The following HDX variants were observed in gnomAD, a reference collection of about 807,000 sequenced individuals.
HDX encodes chromosome X open reading frame 43.
HDX carries 19 observed loss-of-function variants against 45.2 expected under a neutral mutation model. The ratio of observed to expected loss-of-function variants is 0.42; its 90% CI spans 0.29 to 0.62. HDX has a LOEUF of 0.62. Ranked by LOEUF, HDX falls within the 20% of genes least tolerant of loss-of-function variation. The probability of loss-of-function intolerance (pLI) is 0.20; values close to 1 mark genes in which losing one functional copy is unlikely to be tolerated. For synonymous variants in HDX, 188 were observed against 172.8 expected (o/e 1.09, Z -0.69); for missense variants, 532 against 493.9 (o/e 1.08, Z -0.73).
intron 5 of HDX, among the ~76,000 whole-genome samples, chrX:84,366,760 A>C (rs903493120): frequency 4.5e-5 from 5 of 111,763 alleles, no homozygotes; most frequent in African/African-American, 1.6e-4. Flanking sequence ...GCAACACCCT[A>C]TTTAATAAAT....
intron 6 of HDX, among the ~76,000 whole-genome samples, chrX:84,360,883 A>T (rs918262075): frequency 8.9e-6 from 1 of 111,916 alleles, no homozygotes; most frequent in African/African-American, 3.2e-5. Context: ...ATCAGTGTGC[A>T]ACTTTTTGAG....
intron 4 of HDX, among the ~76,000 whole-genome samples, chrX:84,465,488 C>G (rs776424477): frequency 8.9e-6 from 1 of 112,358 alleles, no homozygotes; most frequent in South Asian, 3.7e-4. Flanking sequence ...TACTATGCAG[C>G]CATCAAAAAG....
chrX:84,495,762 G>C (rs1271090391), intron 1 of HDX, among the ~76,000 whole-genome samples: 1 of 111,347 alleles, frequency 9.0e-6, no homozygotes, highest in Non-Finnish European at 1.9e-5. Flanking sequence ...TTTTGTTTTT[G>C]GGGGTAGCCT....
At chrX:84,467,061 T>G (rs1197359687) in intron 4 of HDX, among the ~76,000 whole-genome samples, 1 of 111,175 alleles carries the variant, frequency 9.0e-6, no homozygotes, top group East Asian at 2.8e-4. Context: ...AATGGTATGA[T>G]TCAATGTTAC....
intron 1 of HDX, among the ~76,000 whole-genome samples, chrX:84,497,730 CGTGTGT>C (rs751001968): frequency 1.2e-4 from 13 of 104,783 alleles, no homozygotes; most frequent in Non-Finnish European, 2.4e-4. Context: ...TTTACATATA[CGTGTGT>C]GTGTGTGTGT....
In HDX at chrX:84,413,089, A is replaced by G. The variant is rs1183123561; in HGVS notation, c.1305+27443T>C. ...CTTAAATTCCTCAGATTGGGTTTCA[A>G]TTTTCTCCTGAATCTTGATGATCTT... On this transcript the variant is annotated intron_variant, in intron 5 of 10. Coordinates refer to ENST00000373177, the MANE Select transcript of HDX (RefSeq NM_001177479.2). Among the ~76,000 whole-genome samples, 7 of 111,207 alleles carry G rather than the reference A, an allele frequency of 6.3e-5. No individual in the cohort carries two copies. In the South Asian group the frequency reaches 1.5e-3, roughly 24 times the overall value.
rs1163129120 is a variant in HDX at position 84,416,387 on chromosome X, G to A, written c.1305+24145C>T. On this transcript the variant is annotated intron_variant, in intron 5 of 10. Transcript: ENST00000373177. ...TCCTGGTAAGATTTTATTTGGATGT[G>A]AGGTGAAAAAATTTTCAGAGATGGT... is the stretch of plus-strand genomic sequence containing the variant. 3.6e-5 allele frequency among the ~76,000 whole-genome samples: 4 copies of A among 111,833 alleles called. No individual in the cohort carries two copies. In the Admixed American group the frequency reaches 3.8e-4, roughly 11 times the overall value.
intron 4 of HDX, among the ~76,000 whole-genome samples, chrX:84,446,090 T>C (rs1351505382): frequency 3.6e-5 from 4 of 111,510 alleles, no homozygotes; most frequent in South Asian, 7.4e-4. Flanking sequence ...ATATTCCCTG[T>C]TAAAAATAAT....
chrX:84,480,115 G>A (rs771163066), intron 2 of HDX, among the ~76,000 whole-genome samples: 1 of 110,941 alleles, frequency 9.0e-6, no homozygotes, highest in Non-Finnish European at 1.9e-5. Flanking sequence ...GTTTTAGGGG[G>A]GTTATTATTG....
intron 1 of HDX, among the ~76,000 whole-genome samples, chrX:84,493,116 A>G (rs762990944): frequency 1.8e-5 from 2 of 111,069 alleles, no homozygotes; most frequent in Admixed American, 9.6e-5. Context: ...TCACCTCTCT[A>G]TTTACTTTAT....
intron 5 of HDX, among the ~76,000 whole-genome samples, chrX:84,368,934 A>G (rs981127408): frequency 9.0e-6 from 1 of 110,909 alleles, no homozygotes; most frequent in African/African-American, 3.3e-5. Context: ...TCCTGCTCCT[A>G]TGATAATTGA....
At chrX:84,327,950 A>G (rs2036750773) in intron 9 of HDX, among the ~76,000 whole-genome samples, 1 of 110,150 alleles carries the variant, frequency 9.1e-6, no homozygotes, top group Non-Finnish European at 1.9e-5. Context: ...CAGTAGCTAG[A>G]CTACAGGTAT....
chrX:84,447,385 T>C (rs1366356938), intron 4 of HDX, among the ~76,000 whole-genome samples: 2 of 111,398 alleles, frequency 1.8e-5, no homozygotes, highest in East Asian at 2.8e-4. Context: ...ACTGGGCCAG[T>C]GGGAGCTAAG....
chrX:84,357,690 G>A (rs1338614710), intron 6 of HDX, among the ~76,000 whole-genome samples: 1 of 111,846 alleles, frequency 8.9e-6, no homozygotes, highest in Non-Finnish European at 1.9e-5. Context: ...AAGTTGCAAT[G>A]TAAACATATA....
intron 5 of HDX, among the ~76,000 whole-genome samples, chrX:84,395,912 AT>A (rs950213039): frequency 2.0e-4 from 20 of 100,483 alleles, no homozygotes; most frequent in African/African-American, 5.9e-4. Context: ...TAGTCCCAGA[AT>A]TTTTTTAATG....
intron 5 of HDX, among the ~76,000 whole-genome samples, chrX:84,372,003 A>T (rs2037908131): frequency 8.9e-6 from 1 of 111,949 alleles, no homozygotes; most frequent in Non-Finnish European, 1.9e-5. Context: ...ATAAATCAAA[A>T]TAGGAAATTT....
At chrX:84,395,747 G>T (rs1348069364) in intron 5 of HDX, among the ~76,000 whole-genome samples, 1 of 111,725 alleles carries the variant, frequency 9.0e-6, no homozygotes, top group East Asian at 2.8e-4. Context: ...CATATGTAAT[G>T]TAGGCTTTGT....
At chrX:84,494,064 A>C (rs749646655) in intron 1 of HDX, among the ~76,000 whole-genome samples, 10 of 111,783 alleles carry the variant, frequency 8.9e-5, no homozygotes, top group Non-Finnish European at 1.9e-4. Context: ...CAAATGGATA[A>C]ACAGCTGAAT....
At chrX:84,435,406 T>G (rs2039601327) in intron 5 of HDX, among the ~76,000 whole-genome samples, 1 of 110,619 alleles carries the variant, frequency 9.0e-6, no homozygotes, top group Admixed American at 9.7e-5. Context: ...TTTGATGGGG[T>G]TGTTTGTTTT....
Sources: allele counts gnomAD v4.1 joint callset (sites outside exome capture counted in the v4.1 genomes callset), GRCh38; gene constraint gnomAD v4.1.1; transcripts MANE v1.5; gene names NCBI Gene and HGNC (gene_info 2026-07-23, HGNC 2026-07-21).